Variants in RPS6KA2 observed in about 807,000 individuals in gnomAD.
The protein encoded by RPS6KA2 is ribosomal protein S6 kinase A2.
A neutral mutation model predicts 91.8 loss-of-function variants in RPS6KA2; 42 were observed. That is an observed-to-expected ratio of 0.46 (90% CI 0.36 to 0.59). The LOEUF is 0.59. RPS6KA2 is among the 20% of genes least tolerant of loss of function. RPS6KA2 has a pLI of 0.00. For synonymous variants in RPS6KA2, 414 were observed against 393.6 expected, an observed-to-expected ratio of 1.05 and a Z score of -0.61; for missense variants, 798 against 978.5, an observed-to-expected ratio of 0.82 and a Z score of 2.46.
chr6:166,827,287 A>AAAAAAT (rs1780073329), intron 2 of RPS6KA2, among the ~76,000 whole-genome samples: 1 of 119,326 alleles, frequency 8.4e-6, no homozygotes, highest in Non-Finnish European at 1.7e-5. Flanking sequence ...AAAAAAAAAA[A>AAAAAAT]TGCTTCTGGA....
chr6:166,810,228 T>C (rs845672), intron 2 of RPS6KA2, among the ~76,000 whole-genome samples: 74,144 of 151,936 alleles, frequency 0.49, 19,434 homozygotes, highest in Non-Finnish European at 0.6. Flanking sequence ...GCCCTCAACA[T>C]GTGGGGATTA....
intron 16 of RPS6KA2, among the ~76,000 whole-genome samples, chr6:166,428,620 C>A (rs1270921858): frequency 6.9e-6 from 1 of 145,304 alleles, no homozygotes; most frequent in African/African-American, 2.6e-5. Flanking sequence ...AAAAAAAAAA[C>A]AACCCCATCA....
chr6:166,482,647 G>C (rs1055180350), intron 10 of RPS6KA2, among the ~76,000 whole-genome samples: 4 of 152,202 alleles, frequency 2.6e-5, no homozygotes, highest in Non-Finnish European at 5.9e-5. Flanking sequence ...ATGAGGAAAC[G>C]AGTGTGACCC....
chr6:166,779,996 C>CA (rs1259533436), intron 2 of RPS6KA2, among the ~76,000 whole-genome samples: 3 of 152,204 alleles, frequency 2.0e-5, no homozygotes, highest in Admixed American at 6.5e-5. Flanking sequence ...GCCAAGATGA[C>CA]AGTGCTCCCC....
At chr6:166,840,412 G>GA (rs937158961) in intron 2 of RPS6KA2, among the ~76,000 whole-genome samples, 20 of 152,308 alleles carry the variant, frequency 1.3e-4, no homozygotes, top group African/African-American at 4.6e-4. Context: ...CTCTGTGGCT[G>GA]AAAAACAGAG....
At chr6:166,774,106 G>T (rs923506038) in intron 2 of RPS6KA2, among the ~76,000 whole-genome samples, 1 of 152,122 alleles carries the variant, frequency 6.6e-6, no homozygotes, top group Non-Finnish European at 1.5e-5. Context: ...AGGCACCATC[G>T]CTTTCACGGC....
rs58214863 is a variant in RPS6KA2, at chr6:166,832,036, T to TGATAGATAGATAGATA, written c.123+26148_123+26163dup. ...TATACATACATGTATAGATGATACATGATAGATAGATAGATAGATAGATAG... is the reference window on the plus strand; with the variant it reads ...TATACATACATGTATAGATGATACATGATAGATAGATAGATAGATAGATAGATAGATAGATAGATAG... On this transcript the variant is annotated intron_variant, in intron 2 of 21. Coordinates refer to the RPS6KA2 transcript ENST00000503859. Among the ~76,000 whole-genome samples, 76 of 148,048 alleles carry TGATAGATAGATAGATA rather than the reference T, an allele frequency of 5.1e-4. 3 individuals are homozygous for TGATAGATAGATAGATA. Among genetic ancestry groups the TGATAGATAGATAGATA allele is most frequent in the Middle Eastern group, 6.9e-3 (2 of 290 alleles).
At chr6:166,709,382 C>A (rs1789782281) in intron 2 of RPS6KA2, among the ~76,000 whole-genome samples, 1 of 150,690 alleles carries the variant, frequency 6.6e-6, no homozygotes, top group Non-Finnish European at 1.5e-5. Flanking sequence ...CATCCCGGCA[C>A]TTTGGGTGGC....
chr6:166,717,208 G>A (rs1256605300), intron 2 of RPS6KA2, among the ~76,000 whole-genome samples: 1 of 152,226 alleles, frequency 6.6e-6, no homozygotes, highest in African/African-American at 2.4e-5. Flanking sequence ...TTTGCAAGGG[G>A]GTGGAGGCAT....
intron 1 of RPS6KA2, among the ~76,000 whole-genome samples, chr6:166,568,389 G>A (rs1299211587): frequency 2.6e-5 from 4 of 152,102 alleles, no homozygotes; most frequent in Non-Finnish European, 5.9e-5. Context: ...TTAGGCAGGC[G>A]GATCACCTGA....
In RPS6KA2 at chr6:166,533,994, G is replaced by A. The variant is rs970975345; in HGVS notation, c.217-2681C>T. 3.9e-5 allele frequency among the ~76,000 whole-genome samples: 6 copies of A among 151,980 alleles called. No homozygotes were observed. The highest frequency in any genetic ancestry group is 6.5e-5 in the Admixed American group (1 of 15,272). ...TCCCAGCACTTTGGGAGGCCGAGGC[G>A]GGCGGATCACGAGGTCAGGAGATTG... On this transcript the variant is annotated intron_variant, in intron 2 of 20. Coordinates refer to ENST00000265678, the MANE Select transcript of RPS6KA2 (RefSeq NM_021135.6). This position sits in a 1 kb window ranked among gnomAD's most constrained non-coding sequence, Gnocchi z 4.0.
At chr6:166,744,806 T>C (rs374880258) in intron 2 of RPS6KA2, among the ~76,000 whole-genome samples, 93 of 152,280 alleles carry the variant, frequency 6.1e-4, no homozygotes, top group African/African-American at 2.2e-3. Flanking sequence ...CTGACTCCAG[T>C]TGAAGACACT....
intron 2 of RPS6KA2, among the ~76,000 whole-genome samples, chr6:166,745,255 G>A (rs763469146): frequency 1.6e-4 from 24 of 151,000 alleles, no homozygotes; most frequent in Admixed American, 7.9e-4. Flanking sequence ...GGGTTCAAGC[G>A]ATTCCCCTGC....
intron 2 of RPS6KA2, among the ~76,000 whole-genome samples, chr6:166,844,402 A>G (rs1780559819): frequency 6.6e-6 from 1 of 152,216 alleles, no homozygotes; most frequent in Non-Finnish European, 1.5e-5. Flanking sequence ...AGACATTCAA[A>G]TACAAGAAGC....
At chr6:166,701,870 T>C (rs774201214) in intron 2 of RPS6KA2, 1 of 928,798 alleles carries the variant, frequency 1.1e-6, no homozygotes, top group East Asian at 2.5e-5. Context: ...TGGATTATAC[T>C]GCATCAGTTC....
intron 8 of RPS6KA2, among the ~76,000 whole-genome samples, chr6:166,496,214 G>T (rs968370218): frequency 6.6e-6 from 1 of 151,918 alleles, no homozygotes; most frequent in South Asian, 2.1e-4. Flanking sequence ...TTAGCTGGGT[G>T]TGGCGGGTGC....
At position 166,413,920 on chromosome 6, in the gene RPS6KA2, G is replaced by A; in HGVS notation, c.1950C>T (p.Ser650=). The change falls in exon 20 of 21, where the codon TCC becomes TCT. Residue 650 remains serine (S), a synonymous_variant. Transcript: ENST00000265678. ...GATGAGGGTCCACGTGGAGCATCTT[G>A]GACACGACGTCCTGCCAGGGAAGGT... ...SISDAAKDVV[S]KMLHVDPHQR... is the part of the protein sequence containing the mutation. 3 of 1,613,888 alleles carry A rather than the reference G, an allele frequency of 1.9e-6. No homozygotes were observed. Among genetic ancestry groups the A allele is most frequent in the Non-Finnish European group, 2.5e-6 (3 of 1,179,970 alleles).
At chr6:166,530,486 G>A (rs1783233279) in intron 3 of RPS6KA2, among the ~76,000 whole-genome samples, 1 of 152,200 alleles carries the variant, frequency 6.6e-6, no homozygotes, top group Non-Finnish European at 1.5e-5. Context: ...CGCCCTGTGT[G>A]GCACGGGGTG....
chr6:166,822,272 C>A (rs1260643030), intron 2 of RPS6KA2, among the ~76,000 whole-genome samples: 1 of 152,200 alleles, frequency 6.6e-6, no homozygotes, highest in Non-Finnish European at 1.5e-5. Flanking sequence ...TGTCTGAAGA[C>A]AAGGCCTTCT....
Sources: gnomAD v4.1 joint callset for allele counts (sites outside exome capture counted in the v4.1 genomes callset) on GRCh38, gnomAD v4.1.1 for gene constraint, Gnocchi (gnomAD v3.1) non-coding constraint, MANE v1.5 for transcripts, NCBI Gene and HGNC (gene_info 2026-07-23, HGNC 2026-07-21) for gene names.